RBFOX1: variants seen among roughly 807,000 people sequenced by gnomAD.
RBFOX1 encodes RNA binding fox-1 homolog 1.
A neutral mutation model predicts 57.7 loss-of-function variants in RBFOX1; 8 were observed. The observed-to-expected ratio is 0.14, with a 90% CI of 0.08 to 0.25. The LOEUF (loss-of-function observed/expected upper bound fraction) is 0.25. RBFOX1 is among the 10% of genes least tolerant of loss of function. The pLI is 1.00. For synonymous variants in RBFOX1, 326 were observed against 222.4 expected (o/e 1.47, Z -4.15); for missense variants, 611 against 548.5 (o/e 1.11, Z -1.14).
intron 3 of RBFOX1, among the ~76,000 whole-genome samples, chr16:5,775,464 G>A (rs1162273099): frequency 1.3e-5 from 2 of 152,146 alleles, no homozygotes; most frequent in Non-Finnish European, 2.9e-5. Flanking sequence ...GTAACACGGT[G>A]GAAACACCTA....
chr16:7,657,568 G>A (rs1372031438), intron 12 of RBFOX1, among the ~76,000 whole-genome samples: 1 of 152,248 alleles, frequency 6.6e-6, no homozygotes, highest in Non-Finnish European at 1.5e-5. Context: ...GCCTCCCAAA[G>A]TGCTGGGATT....
At chr16:7,180,259 C>T (rs1274545908) in intron 4 of RBFOX1, among the ~76,000 whole-genome samples, 1 of 152,082 alleles carries the variant, frequency 6.6e-6, no homozygotes, top group Non-Finnish European at 1.5e-5. Context: ...CATATATTAA[C>T]TCTTTATGTC....
chr16:6,042,881 G>T (rs1462753078), intron 1 of RBFOX1, among the ~76,000 whole-genome samples: 1 of 152,102 alleles, frequency 6.6e-6, no homozygotes, highest in East Asian at 1.9e-4. Context: ...ACAGTTGATT[G>T]AAAGAGTTAA....
At chr16:6,235,390 G>A (rs900040712) in intron 1 of RBFOX1, among the ~76,000 whole-genome samples, 1 of 152,158 alleles carries the variant, frequency 6.6e-6, no homozygotes, top group Non-Finnish European at 1.5e-5. Flanking sequence ...GTCTGTCTGT[G>A]TGCCATGCCG....
chr16:5,624,708 C>G (rs1014431605), intron 3 of RBFOX1, among the ~76,000 whole-genome samples: 3 of 152,246 alleles, frequency 2.0e-5, no homozygotes, highest in African/African-American at 7.2e-5. Context: ...ATGCATCAGG[C>G]TAGCTGGCTT....
chr16:6,021,039 A>G (rs1055257777), intron 1 of RBFOX1, among the ~76,000 whole-genome samples: 2 of 152,202 alleles, frequency 1.3e-5, no homozygotes, highest in Non-Finnish European at 2.9e-5. Flanking sequence ...GGGTGCGGCT[A>G]CTGAAGAGCT....
intron 1 of RBFOX1, among the ~76,000 whole-genome samples, chr16:5,337,244 T>C (rs956604380): frequency 1.3e-5 from 2 of 152,232 alleles, no homozygotes; most frequent in African/African-American, 4.8e-5. Flanking sequence ...GCTTTTATCA[T>C]GCAGGGATGA....
chr16:5,715,303 G>T (rs1340660446), intron 3 of RBFOX1, among the ~76,000 whole-genome samples: 2 of 152,022 alleles, frequency 1.3e-5, no homozygotes, highest in South Asian at 2.1e-4. Context: ...GTAAATTGTG[G>T]GTGTCCACTG....
intron 1 of RBFOX1, among the ~76,000 whole-genome samples, chr16:6,201,480 A>C (rs2097214804): frequency 6.6e-6 from 1 of 152,136 alleles, no homozygotes; most frequent in Non-Finnish European, 1.5e-5. Context: ...TTGGACTTAC[A>C]GAGATAGAGT....
intron 1 of RBFOX1, among the ~76,000 whole-genome samples, chr16:6,102,708 G>C (rs987296661): frequency 6.6e-6 from 1 of 151,992 alleles, no homozygotes; most frequent in Non-Finnish European, 1.5e-5. Context: ...AATCATTTTC[G>C]CCTCGATTTC....
At chr16:5,873,733 CTG>C (rs1372950442) in intron 4 of RBFOX1, among the ~76,000 whole-genome samples, 1 of 152,192 alleles carries the variant, frequency 6.6e-6, no homozygotes, top group East Asian at 1.9e-4. Flanking sequence ...TAGAGCAAAA[CTG>C]TCCCCATAAG....
Position 6,942,868 on chromosome 16 carries a change from A to G in RBFOX1, c.-15-109189A>G, listed in dbSNP as rs141423431. Among the ~76,000 whole-genome samples the G allele has an allele frequency of 3.3e-4, 51 of 152,332 alleles. No homozygotes were observed. In the East Asian group the frequency reaches 8.3e-3, roughly 25 times the overall value. ...GAGGACAGTCCTTCTACATGGGTGT[A>G]GTGTGATGCTCGCAGTTTGCAGTAT... On this transcript the variant is annotated intron_variant, in intron 3 of 15. Coordinates refer to ENST00000550418, the MANE Select transcript of RBFOX1 (RefSeq NM_018723.4).
At chr16:7,542,699 G>GAAA (rs59316335) in intron 5 of RBFOX1, among the ~76,000 whole-genome samples, 27 of 74,356 alleles carry the variant, frequency 3.6e-4, no homozygotes, top group East Asian at 1.7e-3. Flanking sequence ...TACTAAAAAT[G>GAAA]AAAAAAAAAA....
At chr16:5,496,675 G>T (rs2043013170) in intron 2 of RBFOX1, among the ~76,000 whole-genome samples, 1 of 152,130 alleles carries the variant, frequency 6.6e-6, no homozygotes. Context: ...GACGTGTTTG[G>T]GATGGGATGG....
chr16:7,403,092 C>G (rs901802098), intron 4 of RBFOX1, among the ~76,000 whole-genome samples: 1 of 152,144 alleles, frequency 6.6e-6, no homozygotes, highest in Non-Finnish European at 1.5e-5. Flanking sequence ...TTTCCCCCGG[C>G]TCTATGGGGG....
At chr16:6,127,458 A>T (rs1567518718) in intron 1 of RBFOX1, among the ~76,000 whole-genome samples, 1 of 152,058 alleles carries the variant, frequency 6.6e-6, no homozygotes, top group Non-Finnish European at 1.5e-5. Context: ...CAAGGCAGGG[A>T]TTTGAAAGAT....
At chr16:7,240,358 C>T (rs1381235497) in intron 4 of RBFOX1, among the ~76,000 whole-genome samples, 1 of 152,164 alleles carries the variant, frequency 6.6e-6, no homozygotes, top group Non-Finnish European at 1.5e-5. Context: ...TATTAATGAT[C>T]TTCACTATGT....
intron 4 of RBFOX1, among the ~76,000 whole-genome samples, chr16:5,969,421 C>A (rs1159608799): frequency 2.0e-5 from 3 of 147,710 alleles, no homozygotes; most frequent in Non-Finnish European, 4.5e-5. Context: ...AAGCGATTCT[C>A]CTGCCTCAGC....
rs537024697 is a variant in RBFOX1 at position 6,769,034 on chromosome 16, C to G, written c.-16+114384C>G. On this transcript the variant is annotated intron_variant, in intron 3 of 15. Transcript: ENST00000550418. ...GAGCCACTGCGCCCAGCCAATATTA[C>G]TTCTTTTTCTGTTTAACAGTTGATA... is the stretch of plus-strand genomic sequence containing the variant. Among the ~76,000 whole-genome samples the G allele has an allele frequency of 5.9e-5, 9 of 152,144 alleles. No individual in the cohort carries two copies. In the South Asian group the frequency reaches 1.9e-3, roughly 32 times the overall value.
Sources: gnomAD v4.1 joint callset for allele counts (sites outside exome capture counted in the v4.1 genomes callset) on GRCh38, gnomAD v4.1.1 for gene constraint, MANE v1.5 for transcripts, NCBI Gene and HGNC (gene_info 2026-07-23, HGNC 2026-07-21) for gene names.